NDEL1: variants seen among roughly 807,000 people sequenced by gnomAD.
The protein encoded by NDEL1 is nuclear distribution protein nudE-like 1.
Under a neutral mutation model 45.7 loss-of-function variants are expected in NDEL1, and 9 were observed. The observed-to-expected ratio is 0.20, with a 90% CI of 0.12 to 0.34. The LOEUF (loss-of-function observed/expected upper bound fraction) is 0.34, where lower values mean the gene tolerates loss of function less well. Ranked by LOEUF, NDEL1 falls within the 10% of genes least tolerant of loss-of-function variation. NDEL1 has a pLI of 1.00. For missense variants in NDEL1, 306 were observed against 406.2 expected, an observed-to-expected ratio of 0.75 and a Z score of 2.12; for synonymous variants, 133 against 158.6, an observed-to-expected ratio of 0.84 and a Z score of 1.21.
chr17:8,438,305 T>G (rs1327474772), intron 1 of NDEL1, among the ~76,000 whole-genome samples: 1 of 152,182 alleles, frequency 6.6e-6, no homozygotes, highest in African/African-American at 2.4e-5. Context: ...AAATTGTGGA[T>G]GTACCATTAG....
At chr17:8,448,859 C>T (rs114294074) in intron 5 of NDEL1, among the ~76,000 whole-genome samples, 173 bp downstream of exon 5, 98 of 152,288 alleles carry the variant, frequency 6.4e-4, no homozygotes, top group African/African-American at 2.2e-3. Context: ...TACGGGCTGA[C>T]TGTGGGACTT....
intron 1 of NDEL1, among the ~76,000 whole-genome samples, chr17:8,437,519 G>C (rs1481150013): frequency 2.0e-5 from 3 of 152,136 alleles, no homozygotes; most frequent in African/African-American, 7.2e-5. Context: ...AATTACTTCT[G>C]ACGTAAGTTT....
chr17:8,447,033 C>A, intron 4 of NDEL1, 131 bp downstream of exon 4: 1 of 1,148,516 alleles, frequency 8.7e-7, no homozygotes, highest in Non-Finnish European at 1.2e-6. Context: ...ACCTGTAACT[C>A]ATCGGACGGA....
intron 7 of NDEL1, among the ~76,000 whole-genome samples, chr17:8,458,703 A>G (rs532116525): frequency 6.6e-6 from 1 of 152,006 alleles, no homozygotes; most frequent in Non-Finnish European, 1.5e-5. Flanking sequence ...AAAGAAGGAG[A>G]AGAAAAAAGT....
downstream of NDEL1, among the ~76,000 whole-genome samples, chr17:8,472,495 C>CA (rs1911867297): frequency 6.6e-6 from 1 of 151,832 alleles, no homozygotes; most frequent in Admixed American, 6.6e-5. Flanking sequence ...CCCGTTTCTA[C>CA]AAAAAAAGAA....
intron 4 of NDEL1, 93 bp downstream of exon 4, chr17:8,446,995 A>G (rs1433100289): frequency 1.4e-6 from 2 of 1,454,104 alleles, no homozygotes; most frequent in East Asian, 4.9e-5. Flanking sequence ...TCTTAGTCCC[A>G]GAACATTTCC....
intron 8 of NDEL1, among the ~76,000 whole-genome samples, chr17:8,462,375 G>A (rs1289832314): frequency 2.0e-5 from 3 of 152,126 alleles, no homozygotes; most frequent in African/African-American, 7.2e-5. Context: ...CTTTCTAGTT[G>A]CTGTATTCCT....
chr17:8,440,110 A>G (rs1293483898), intron 1 of NDEL1, among the ~76,000 whole-genome samples: 1 of 152,242 alleles, frequency 6.6e-6, no homozygotes, highest in Admixed American at 6.5e-5. Context: ...TTAGTAAATG[A>G]TATCCAACAT....
At chr17:8,463,128 C>T (rs1911325338) in intron 8 of NDEL1, 1 of 490,878 alleles carries the variant, frequency 2.0e-6, no homozygotes, top group Non-Finnish European at 3.7e-6. Flanking sequence ...AGTGTGGTCG[C>T]TTGGAGTCTC....
At chr17:8,430,849 G>A (rs545732768) in intron 1 of NDEL1, among the ~76,000 whole-genome samples, 5 of 152,270 alleles carry the variant, frequency 3.3e-5, no homozygotes, top group African/African-American at 4.8e-5. Context: ...TGGAAGCAGG[G>A]GCTGGGGCAA....
chr17:8,428,103 G>C lies in NDEL1; in HGVS notation c.-13+14834G>C, dbSNP rs188686660. On this transcript the variant is annotated intron_variant, in intron 1 of 4. Coordinates refer to the NDEL1 transcript ENST00000582812. ...TCTTTATAGCATTTCTCATGACCTG[G>C]CAGAAATAGATTAGTCTGCTTGCTT... Among the ~76,000 whole-genome samples, 47 of 152,082 alleles carry C rather than the reference G, an allele frequency of 3.1e-4. 1 individual carries two copies. The highest frequency in any genetic ancestry group is 1.1e-3 in the African/African-American group (44 of 41,450).
chr17:8,463,306 CTTTCT>C (rs772759752), intron 8 of NDEL1: 69 of 1,607,446 alleles, frequency 4.3e-5, no homozygotes, highest in Non-Finnish European at 5.7e-5. Context: ...ATATGTTCTC[CTTTCT>C]TTTATTAGGC....
intron 8 of NDEL1, 52 bp downstream of exon 8, chr17:8,460,212 T>A: frequency 1.3e-6 from 2 of 1,560,798 alleles, no homozygotes; most frequent in South Asian, 1.2e-5. Flanking sequence ...AAGTGACAGG[T>A]TAGTAAGTGA....
intron 1 of NDEL1, among the ~76,000 whole-genome samples, chr17:8,419,863 C>T (rs765117972): frequency 1.3e-5 from 2 of 152,136 alleles, no homozygotes; most frequent in Non-Finnish European, 2.9e-5. Flanking sequence ...AGCTTTGCAT[C>T]ACAGTGAAAC....
At chr17:8,413,165 G>A (rs917928364) in exon 1 of NDEL1, 1 of 152,248 alleles carries the variant, frequency 6.6e-6, no homozygotes, top group East Asian at 1.9e-4. Flanking sequence ...GTCGGACGGT[G>A]ATTCTCACTC....
chr17:8,432,369 TATTTAATGGCAGGCCAA>T (rs1909037007), upstream of NDEL1, among the ~76,000 whole-genome samples: 1 of 60,964 alleles, frequency 1.6e-5, no homozygotes, highest in Non-Finnish European at 3.6e-5. Context: ...AATATATATA[TATTTAATGGCAGGCCAA>T]TATATATATA....
chr17:8,433,564 A>T (rs1257783384), upstream of NDEL1, among the ~76,000 whole-genome samples: 1 of 152,200 alleles, frequency 6.6e-6, no homozygotes, highest in Non-Finnish European at 1.5e-5. Flanking sequence ...ATTTTGTAGA[A>T]TATGTGTTCT....
At chr17:8,444,073 T>C (rs1266389268) in intron 1 of NDEL1, 187 bp from the exon 2 acceptor site, 1 of 500,646 alleles carries the variant, frequency 2.0e-6, no homozygotes, top group Admixed American at 3.7e-5. Flanking sequence ...ATTCACAATA[T>C]TGGTGGTCCC....
At chr17:8,460,969 TGTATGA>T (rs1024190110) in intron 8 of NDEL1, among the ~76,000 whole-genome samples, 13 of 152,322 alleles carry the variant, frequency 8.5e-5, no homozygotes, top group Admixed American at 7.2e-4. Context: ...AATACGTGGT[TGTATGA>T]GTATGCCTTA....
Sources: allele counts gnomAD v4.1 joint callset (sites outside exome capture counted in the v4.1 genomes callset), GRCh38; gene constraint gnomAD v4.1.1; transcripts MANE v1.5; gene names NCBI Gene and HGNC (gene_info 2026-07-23, HGNC 2026-07-21).